The following SRRM3 variants were observed in gnomAD, a reference collection of about 807,000 sequenced individuals.
The protein encoded by SRRM3 is serine/arginine repetitive matrix protein 3.
In SRRM3, 27 loss-of-function variants were observed where a neutral mutation model predicts 66.2. The ratio of observed to expected loss-of-function variants is 0.41; its 90% CI spans 0.30 to 0.56. SRRM3 has a LOEUF of 0.56. Among genes scored for constraint, SRRM3 ranks in the 20% least tolerant of loss-of-function variants. The probability of loss-of-function intolerance (pLI) is 0.32; values close to 1 mark genes in which losing one functional copy is unlikely to be tolerated. For missense variants in SRRM3, 918 were observed against 991.9 expected (o/e 0.93, Z 1.00); for synonymous variants, 391 against 414.9 (o/e 0.94, Z 0.70).
chr7:76,214,677 C>G (rs1334992741), intron 1 of SRRM3, among the ~76,000 whole-genome samples: 4 of 152,110 alleles, frequency 2.6e-5, no homozygotes, highest in Non-Finnish European at 5.9e-5. Flanking sequence ...TCTGGCCCCT[C>G]ACACCTTGGG....
chr7:76,262,124 G>T (rs1321071063), intron 8 of SRRM3, among the ~76,000 whole-genome samples: 1 of 152,024 alleles, frequency 6.6e-6, no homozygotes, highest in Non-Finnish European at 1.5e-5. Context: ...GCTTGTTCAG[G>T]GTGGACTGGG....
At chr7:76,265,787 A>G (rs1554609470) in intron 10 of SRRM3, among the ~76,000 whole-genome samples, 3 of 117,062 alleles carry the variant, frequency 2.6e-5, no homozygotes. Flanking sequence ...ATATATATTT[A>G]TATATTTAAT....
chr7:76,259,872 C>G lies in SRRM3; in HGVS notation c.336-34C>G, dbSNP rs549069435. The G allele has an allele frequency of 1.3e-5, 21 of 1,599,270 alleles. No individual in the cohort carries two copies. In the South Asian group the frequency reaches 2.2e-4, roughly 17 times the overall value. ...GAAAAGGGGTGAAGAAAAGTCGTCC[C>G]GAGACTGGTGGTGAGCGTCCCTGTC... On this transcript the variant is annotated intron_variant, in intron 3 of 14. Transcript: ENST00000611745.
intron 2 of SRRM3, among the ~76,000 whole-genome samples, chr7:76,236,979 T>G (rs79933802): frequency 0.073 from 11,154 of 152,132 alleles, 953 homozygotes; most frequent in African/African-American, 0.2. Context: ...CCAGCCAGAT[T>G]CGGTGGCTCA....
rs189561746 is a variant in SRRM3, at chr7:76,264,976, A to G, written c.725+161A>G. On this transcript the variant is annotated intron_variant, in intron 9 of 14. Transcript: ENST00000611745. ...GAAAGCCAAGGGCTCTTGCTGAGTC[A>G]GAGCTTGAACCAAAACCCAGGCCTC... 2.6e-5 allele frequency among the ~76,000 whole-genome samples: 4 copies of G among 152,274 alleles called. No individual in the cohort carries two copies. In the East Asian group the frequency reaches 7.7e-4, roughly 29 times the overall value.
chr7:76,243,728 C>T (rs1320159387), intron 2 of SRRM3, among the ~76,000 whole-genome samples: 7 of 152,200 alleles, frequency 4.6e-5, no homozygotes, highest in African/African-American at 1.7e-4. Flanking sequence ...TCTTCCCACC[C>T]ACCTGGCCCA....
intron 6 of SRRM3, 28 bp from the exon 7 acceptor site, chr7:76,261,324 A>G (rs1554608688): frequency 2.6e-6 from 1 of 388,344 alleles, no homozygotes; most frequent in Admixed American, 4.9e-5. Context: ...ACCCCAGCTC[A>G]CTAGAGCCCA....
At chr7:76,281,316 G>A (rs2117115569) in intron 11 of SRRM3, 125 bp from the exon 12 acceptor site, 2 of 622,800 alleles carry the variant, frequency 3.2e-6, no homozygotes, top group African/African-American at 4.0e-5. Context: ...TCCTCTTTCT[G>A]TCTCTGTCTC....
At chr7:76,212,572 G>A (rs965079882) in intron 1 of SRRM3, among the ~76,000 whole-genome samples, 18 of 146,564 alleles carry the variant, frequency 1.2e-4, no homozygotes, top group Admixed American at 5.5e-4. Flanking sequence ...AGGTTCAAGC[G>A]ATTCTCCTGC....
intron 1 of SRRM3, among the ~76,000 whole-genome samples, chr7:76,226,651 T>C (rs1800872039): frequency 6.6e-6 from 1 of 152,172 alleles, no homozygotes; most frequent in Admixed American, 6.6e-5. Context: ...AGTACAACGG[T>C]GTGATCTCAG....
chr7:76,270,143 G>A (rs1050915422), intron 11 of SRRM3, among the ~76,000 whole-genome samples: 6 of 152,114 alleles, frequency 3.9e-5, no homozygotes, highest in African/African-American at 9.7e-5. Flanking sequence ...GGAGAGAAGC[G>A]GGAGACCCAG....
chr7:76,243,534 C>A (rs1801362238), intron 2 of SRRM3, among the ~76,000 whole-genome samples: 1 of 152,172 alleles, frequency 6.6e-6, no homozygotes, highest in Non-Finnish European at 1.5e-5. Flanking sequence ...CCCACTGACT[C>A]CAGGACGACC....
chr7:76,207,639 G>T (rs1800334396), intron 1 of SRRM3, among the ~76,000 whole-genome samples: 1 of 152,012 alleles, frequency 6.6e-6, no homozygotes, highest in South Asian at 2.1e-4. Flanking sequence ...CAAGGCAGGA[G>T]GATCGCTTGA....
intron 1 of SRRM3, among the ~76,000 whole-genome samples, chr7:76,219,979 C>T (rs1554603011): frequency 6.6e-6 from 1 of 152,128 alleles, no homozygotes; most frequent in East Asian, 1.9e-4. Context: ...GACCATGAGG[C>T]CCATGCAAAT....
At chr7:76,210,490 T>C (rs1361779037) in intron 1 of SRRM3, among the ~76,000 whole-genome samples, 1 of 152,216 alleles carries the variant, frequency 6.6e-6, no homozygotes, top group East Asian at 1.9e-4. Context: ...ATTCATTCAT[T>C]CATTCATCAC....
Position 76,285,367 on chromosome 7 carries a change from A to G in SRRM3, c.1734-248A>G. The G allele has an allele frequency of 1.9e-6, 1 of 532,886 alleles. No individual in the cohort carries two copies. The highest frequency in any genetic ancestry group is 3.3e-6 in the Non-Finnish European group (1 of 298,626). 33.0% of individuals were successfully genotyped at this position (532,886 alleles called of 1,614,324 possible). A position where few individuals can be genotyped will look rare whatever the true frequency, so the allele number is the denominator to read the frequency against. ...GCGTGAGCCACCGCGCCCAGCCTCA[A>G]CAAGTATTTATTAGCAGGTGTTCGG... On this transcript the variant is annotated intron_variant, in intron 14 of 14. Coordinates refer to ENST00000611745, the MANE Select transcript of SRRM3 (RefSeq NM_001110199.3). This position sits in a 1 kb window ranked among gnomAD's most constrained non-coding sequence, Gnocchi z 4.1.
intron 1 of SRRM3, among the ~76,000 whole-genome samples, chr7:76,212,162 CTT>C (rs57681676): frequency 9.9e-5 from 10 of 101,004 alleles, no homozygotes; most frequent in Admixed American, 2.3e-4. Context: ...CTGAGGTCTG[CTT>C]TTTTTTTTTT....
intron 11 of SRRM3, among the ~76,000 whole-genome samples, chr7:76,270,869 G>A (rs1332092331): frequency 6.6e-6 from 1 of 151,928 alleles, no homozygotes; most frequent in Admixed American, 6.6e-5. Flanking sequence ...CAGCTACTTG[G>A]GAGGCTGAGG....
intron 2 of SRRM3, among the ~76,000 whole-genome samples, chr7:76,247,095 A>G (rs932922778): frequency 1.3e-5 from 2 of 152,152 alleles, no homozygotes; most frequent in East Asian, 3.9e-4. Flanking sequence ...GAGACTCCAG[A>G]GGAACTGGGA....
Sources: allele counts gnomAD v4.1 joint callset (sites outside exome capture counted in the v4.1 genomes callset), GRCh38; gene constraint gnomAD v4.1.1; non-coding constraint Gnocchi (gnomAD v3.1); transcripts MANE v1.5; gene names NCBI Gene and HGNC (gene_info 2026-07-23, HGNC 2026-07-21).